Variants in PLXDC1 observed in about 807,000 individuals in gnomAD.
The protein encoded by PLXDC1 is plexin domain containing 1.
Under a neutral mutation model 61.3 loss-of-function variants are expected in PLXDC1, and 39 were observed. The observed-to-expected ratio is 0.64, with a 90% CI of 0.49 to 0.83. The LOEUF is 0.83. Ranked by LOEUF, PLXDC1 falls within the 40% of genes least tolerant of loss-of-function variation. The pLI is 0.00. For missense variants in PLXDC1, 596 were observed against 666.5 expected, an observed-to-expected ratio of 0.89 and a Z score of 1.17; for synonymous variants, 212 against 254.5, an observed-to-expected ratio of 0.83 and a Z score of 1.59.
intron 2 of PLXDC1, 125 bp from the exon 3 acceptor site, chr17:39,109,516 C>T (rs1910721591): frequency 8.3e-7 from 1 of 1,204,446 alleles, no homozygotes; most frequent in Non-Finnish European, 1.2e-6. Flanking sequence ...GGTGCTGGAC[C>T]TGTGGCCCCA....
At chr17:39,128,692 T>C (rs11078891) in intron 2 of PLXDC1, among the ~76,000 whole-genome samples, 95,709 of 151,830 alleles carry the variant, frequency 0.63, 30,534 homozygotes, top group East Asian at 0.76. Context: ...CAATTCCACT[T>C]CTAGGTATAG....
intron 7 of PLXDC1, among the ~76,000 whole-genome samples, chr17:39,095,239 A>G (rs1910105816): frequency 1.5e-5 from 2 of 133,556 alleles, no homozygotes; most frequent in South Asian, 2.7e-4. Context: ...AGAAAGGGGG[A>G]TGAGGGTGGG....
upstream of PLXDC1, chr17:39,152,683 G>A (rs1352749506): frequency 5.7e-6 from 7 of 1,233,818 alleles, no homozygotes; most frequent in Admixed American, 8.5e-5. Context: ...AGCGCCATTG[G>A]AGAAATTTTC....
At chr17:39,123,140 G>A (rs1911216852) in intron 2 of PLXDC1, among the ~76,000 whole-genome samples, 1 of 152,180 alleles carries the variant, frequency 6.6e-6, no homozygotes, top group Admixed American at 6.5e-5. Flanking sequence ...TTGGTGTCCA[G>A]CATTCCTCTC....
At chr17:39,098,668 C>A (rs1416875508) in intron 7 of PLXDC1, among the ~76,000 whole-genome samples, 1 of 152,130 alleles carries the variant, frequency 6.6e-6, no homozygotes, top group Non-Finnish European at 1.5e-5. Flanking sequence ...AAGAGGAAGC[C>A]GTGAATTCCA....
intron 5 of PLXDC1, 86 bp downstream of exon 5, chr17:39,108,037 G>T: frequency 6.5e-7 from 1 of 1,537,000 alleles, no homozygotes; most frequent in Non-Finnish European, 9.0e-7. Context: ...TGGGACCCTT[G>T]CCCTCTCTAG....
At chr17:39,144,040 G>T (rs948014699) in intron 1 of PLXDC1, among the ~76,000 whole-genome samples, 2 of 152,230 alleles carry the variant, frequency 1.3e-5, no homozygotes, top group Non-Finnish European at 2.9e-5. Context: ...GAGGGGCTCA[G>T]CGGCCCAGAG....
At chr17:39,110,621 G>A (rs149548433) in intron 2 of PLXDC1, among the ~76,000 whole-genome samples, 11 of 152,358 alleles carry the variant, frequency 7.2e-5, no homozygotes, top group African/African-American at 2.4e-4. Context: ...CCGCTGACCT[G>A]TGAGGAGCCC....
At chr17:39,070,089 C>T in intron 12 of PLXDC1, 73 bp from the exon 13 acceptor site, 1 of 1,153,832 alleles carries the variant, frequency 8.7e-7, no homozygotes, top group Non-Finnish European at 1.3e-6. Flanking sequence ...GTCTTGGGTT[C>T]TAACAAAGTC....
In PLXDC1 at chr17:39,070,803, C is replaced by G. The variant is rs368692174; in HGVS notation, c.1223-787G>C. Among the ~76,000 whole-genome samples, 12 of 152,306 alleles carry G rather than the reference C, an allele frequency of 7.9e-5. 1 individual carries two copies. The South Asian group carries it at 2.5e-3, about 32-fold the overall frequency. On this transcript the variant is annotated intron_variant, in intron 12 of 13. Coordinates refer to ENST00000315392, the MANE Select transcript of PLXDC1 (RefSeq NM_020405.5). ...GACCAGCCTGGCCAACATGGTGAAA[C>G]CTTGTCTCTACTAAAAATACAAAAA...
chr17:39,109,301 G>T lies in PLXDC1; in HGVS notation c.346C>A (p.Arg116=), dbSNP rs923208747. The T allele has an allele frequency of 6.2e-7, 1 of 1,612,250 alleles. No homozygotes were observed. Among genetic ancestry groups the T allele is most frequent in the Non-Finnish European group, 8.5e-7 (1 of 1,179,606 alleles). ...ATTGTGTGGATCTTCACTTGGCTCCGGTTGGCCTCGGCCACATCTACCCAC... is the reference window on the plus strand; with the variant it reads ...ATTGTGTGGATCTTCACTTGGCTCCTGTTGGCCTCGGCCACATCTACCCAC... The part of the protein sequence containing the change: ...ELWVDVAEAN[R]SQVKIHTILS... The change falls in exon 3 of 14, where the codon CGG becomes AGG. Residue 116 remains arginine (R), a synonymous_variant. Transcript: ENST00000315392.
At chr17:39,096,951 C>G (rs1341057710) in intron 7 of PLXDC1, 2 of 471,326 alleles carry the variant, frequency 4.2e-6, no homozygotes, top group Admixed American at 2.3e-5. Context: ...ACCAAAGATG[C>G]TTTGCAGACT....
At chr17:39,132,771 G>T (rs1057390893) in intron 2 of PLXDC1, among the ~76,000 whole-genome samples, 2 of 152,094 alleles carry the variant, frequency 1.3e-5, no homozygotes, top group East Asian at 1.9e-4. Flanking sequence ...AGCCAGGAGG[G>T]TTACTGAGGA....
chr17:39,087,842 C>T (rs1233559688), intron 7 of PLXDC1, 140 bp from the exon 8 acceptor site: 15 of 654,986 alleles, frequency 2.3e-5, no homozygotes, highest in African/African-American at 1.1e-4. Context: ...ATGATGTTGG[C>T]GCTGCTGGAG....
At chr17:39,103,994 G>A (rs559660143) in intron 7 of PLXDC1, among the ~76,000 whole-genome samples, 29 of 152,204 alleles carry the variant, frequency 1.9e-4, no homozygotes, top group Non-Finnish European at 3.8e-4. Flanking sequence ...AAGTGTGAAA[G>A]TGCTGTGGCG....
chr17:39,152,597 T>C, upstream of PLXDC1: 1 of 1,247,340 alleles, frequency 8.0e-7, no homozygotes, highest in South Asian at 3.3e-5. Flanking sequence ...GGAGACGGGG[T>C]GAGGGGGCAT....
chr17:39,132,351 G>C lies in PLXDC1; in HGVS notation c.255+7303C>G, dbSNP rs1175581161. Among the ~76,000 whole-genome samples, 3 of 151,982 alleles carry C rather than the reference G, an allele frequency of 2.0e-5. No individual in the cohort carries two copies. The East Asian group carries it at 5.8e-4, about 29-fold the overall frequency. ...GCACATCCCAGGATCTCTTGACTCA[G>C]CACTATGGCTTCCCCAGTTCTCCTG... On this transcript the variant is annotated intron_variant, in intron 2 of 13. Transcript: ENST00000315392.
intron 2 of PLXDC1, among the ~76,000 whole-genome samples, chr17:39,115,665 C>A (rs1910943298): frequency 6.6e-6 from 1 of 152,100 alleles, no homozygotes; most frequent in Admixed American, 6.6e-5. Flanking sequence ...TGCAGGGGAG[C>A]ATTTGGGAGC....
intron 1 of PLXDC1, among the ~76,000 whole-genome samples, chr17:39,149,264 T>C (rs2045359309): frequency 6.6e-6 from 1 of 152,094 alleles, no homozygotes; most frequent in Non-Finnish European, 1.5e-5. Context: ...ACCCAGAGCC[T>C]TGGGGAAGGA....
Sources: gnomAD v4.1 joint callset for allele counts (sites outside exome capture counted in the v4.1 genomes callset) on GRCh38, gnomAD v4.1.1 for gene constraint, MANE v1.5 for transcripts, NCBI Gene and HGNC (gene_info 2026-07-23, HGNC 2026-07-21) for gene names.